EPHA4: variants seen among roughly 807,000 people sequenced by gnomAD.
The protein encoded by EPHA4 is EPH receptor A4, also known as ephrin type-A receptor 4.
EPHA4 carries 19 observed loss-of-function variants against 108.3 expected under a neutral mutation model. The observed-to-expected ratio is 0.18, with a 90% CI of 0.12 to 0.26. EPHA4 has a LOEUF of 0.26. EPHA4 is among the 10% of genes least tolerant of loss of function. The pLI is 1.00. For synonymous variants in EPHA4, 449 were observed against 455.5 expected (o/e 0.99, Z 0.18); for missense variants, 917 against 1,254.0 (o/e 0.73, Z 4.06).
At chr2:221,477,382 A>G (rs7563409) in intron 5 of EPHA4, among the ~76,000 whole-genome samples, 77,982 of 152,072 alleles carry the variant, frequency 0.51, 20,366 homozygotes, top group Non-Finnish European at 0.56. Flanking sequence ...AACTATTGCT[A>G]GAACAGAGTT....
intron 9 of EPHA4, among the ~76,000 whole-genome samples, chr2:221,445,621 T>G (rs1261370877): frequency 1.3e-5 from 2 of 151,416 alleles, no homozygotes; most frequent in Non-Finnish European, 2.9e-5. Context: ...TCTTCTACCT[T>G]GCTTAAGTCA....
intron 3 of EPHA4, among the ~76,000 whole-genome samples, chr2:221,526,489 C>CT (rs1693326031): frequency 6.6e-6 from 1 of 151,584 alleles, no homozygotes; most frequent in Non-Finnish European, 1.5e-5. Flanking sequence ...ATATACACGT[C>CT]TCAAAGGTCT....
At chr2:221,484,882 G>A (rs551797915) in intron 4 of EPHA4, among the ~76,000 whole-genome samples, 8 of 152,238 alleles carry the variant, frequency 5.3e-5, no homozygotes, top group Admixed American at 3.9e-4. Flanking sequence ...ATAACAAAAG[G>A]AAAAATTTCA....
At chr2:221,504,358 G>GAGGAGGAGGAGA (rs1302614253) in intron 3 of EPHA4, among the ~76,000 whole-genome samples, 3 of 152,152 alleles carry the variant, frequency 2.0e-5, no homozygotes, top group Admixed American at 2.0e-4. Context: ...GGAGGAGAAG[G>GAGGAGGAGGAGA]AGGAGGAGGA....
chr2:221,553,187 A>C (rs1456437417), intron 3 of EPHA4, among the ~76,000 whole-genome samples: 1 of 152,242 alleles, frequency 6.6e-6, no homozygotes, highest in Middle Eastern at 3.2e-3. Flanking sequence ...ATTGCAAAGT[A>C]TTACCATATT....
chr2:221,545,276 T>A (rs979609820), intron 3 of EPHA4, among the ~76,000 whole-genome samples: 1 of 152,126 alleles, frequency 6.6e-6, no homozygotes, highest in Non-Finnish European at 1.5e-5. Context: ...GAGACCTTCC[T>A]GGCTAACATG....
chr2:221,436,650 G>A (rs1364364607), intron 12 of EPHA4, 42 bp from the exon 13 acceptor site: 4 of 1,570,122 alleles, frequency 2.5e-6, no homozygotes, highest in Non-Finnish European at 3.5e-6. Context: ...TTAGCATTAG[G>A]CCAAGTTAAT....
At chr2:221,542,618 C>T (rs999320858) in intron 3 of EPHA4, among the ~76,000 whole-genome samples, 25 of 152,270 alleles carry the variant, frequency 1.6e-4, no homozygotes, top group Admixed American at 5.2e-4. Context: ...TAAAAACAAT[C>T]AGCCTCATCA....
chr2:221,442,701 C>T (rs1012809283), intron 11 of EPHA4, 128 bp downstream of exon 11: 3 of 941,964 alleles, frequency 3.2e-6, no homozygotes, highest in African/African-American at 1.6e-5. Context: ...AATGACTTGT[C>T]CTGCACTGAT....
chr2:221,447,303 A>G (rs1690622264), intron 8 of EPHA4, among the ~76,000 whole-genome samples: 2 of 152,220 alleles, frequency 1.3e-5, no homozygotes, highest in African/African-American at 2.4e-5. Context: ...ACAGAAAAAG[A>G]AACACGGTCT....
chr2:221,548,342 G>A (rs888810370), intron 3 of EPHA4, among the ~76,000 whole-genome samples: 2 of 151,472 alleles, frequency 1.3e-5, no homozygotes, highest in Non-Finnish European at 2.9e-5. Context: ...CCAGCCTGGC[G>A]ACAGAGCGAG....
At chr2:221,521,159 C>A (rs1016113383) in intron 3 of EPHA4, among the ~76,000 whole-genome samples, 11 of 152,286 alleles carry the variant, frequency 7.2e-5, no homozygotes, top group African/African-American at 2.6e-4. Flanking sequence ...CTATTCTCAA[C>A]CCTCGGACTC....
At chr2:221,500,224 C>G (rs1003361051) in intron 4 of EPHA4, among the ~76,000 whole-genome samples, 1 of 152,098 alleles carries the variant, frequency 6.6e-6, no homozygotes, top group African/African-American at 2.4e-5. Context: ...ACACAACAGG[C>G]TGGGAAACAA....
At chr2:221,555,073 G>A (rs1013113081) in intron 3 of EPHA4, among the ~76,000 whole-genome samples, 42 of 152,156 alleles carry the variant, frequency 2.8e-4, no homozygotes, top group Non-Finnish European at 4.0e-4. Flanking sequence ...CCAAGGCTGG[G>A]TTCCTTTTCC....
intron 3 of EPHA4, among the ~76,000 whole-genome samples, chr2:221,513,401 T>C (rs907841164): frequency 1.3e-5 from 2 of 152,196 alleles, no homozygotes; most frequent in Non-Finnish European, 2.9e-5. Flanking sequence ...TTGCTAGTCA[T>C]TGTCATCCAA....
intron 5 of EPHA4, among the ~76,000 whole-genome samples, chr2:221,479,285 C>T (rs1691750440): frequency 2.0e-5 from 3 of 152,240 alleles, no homozygotes; most frequent in Non-Finnish European, 4.4e-5. Flanking sequence ...ACCTCACCTT[C>T]ATGGAGCTGC....
At chr2:221,549,768 C>A (rs1268404330) in intron 3 of EPHA4, among the ~76,000 whole-genome samples, 1 of 152,210 alleles carries the variant, frequency 6.6e-6, no homozygotes, top group Non-Finnish European at 1.5e-5. Flanking sequence ...AGGCAGATTG[C>A]CTGAGGTCAA....
At chr2:221,493,885 T>C (rs1466130735) in intron 4 of EPHA4, among the ~76,000 whole-genome samples, 3 of 152,220 alleles carry the variant, frequency 2.0e-5, no homozygotes, top group African/African-American at 7.2e-5. Context: ...CTGCCCTCAT[T>C]AGCTCTGAGC....
chr2:221,493,728 C>A (rs947457631), intron 4 of EPHA4, among the ~76,000 whole-genome samples: 1 of 152,076 alleles, frequency 6.6e-6, no homozygotes, highest in African/African-American at 2.4e-5. Context: ...AATACAGCAG[C>A]GCACTAAATT....
Sources: allele counts gnomAD v4.1 joint callset (sites outside exome capture counted in the v4.1 genomes callset), GRCh38; gene constraint gnomAD v4.1.1; transcripts MANE v1.5; gene names NCBI Gene and HGNC (gene_info 2026-07-23, HGNC 2026-07-21).